PTK2: variants seen among roughly 807,000 people sequenced by gnomAD.
PTK2 encodes focal adhesion kinase 1.
A neutral mutation model predicts 150.1 loss-of-function variants in PTK2; 45 were observed. That is an observed-to-expected ratio of 0.30 (90% CI 0.24 to 0.38). The LOEUF (loss-of-function observed/expected upper bound fraction) is 0.38, where lower values mean the gene tolerates loss of function less well. Ranked by LOEUF, PTK2 falls within the 10% of genes least tolerant of loss-of-function variation. The pLI, the probability that PTK2 is intolerant of heterozygous loss-of-function variation, is 1.00. For synonymous variants in PTK2, 432 were observed against 449.2 expected, an observed-to-expected ratio of 0.96 and a Z score of 0.48; for missense variants, 919 against 1,307.3, an observed-to-expected ratio of 0.70 and a Z score of 4.58.
chr8:140,782,349 A>C (rs1169614032), intron 14 of PTK2, among the ~76,000 whole-genome samples: 4 of 150,756 alleles, frequency 2.7e-5, no homozygotes, highest in Non-Finnish European at 5.9e-5. Context: ...GGGTCAAGAG[A>C]TCCTCCTACC....
chr8:140,923,905 C>A (rs2100168454), intron 2 of PTK2, among the ~76,000 whole-genome samples: 1 of 152,078 alleles, frequency 6.6e-6, no homozygotes. Context: ...CTCTCTGCTC[C>A]AGCTCTCACC....
At chr8:140,972,397 T>G (rs758964312) in intron 1 of PTK2, among the ~76,000 whole-genome samples, 2 of 152,274 alleles carry the variant, frequency 1.3e-5, no homozygotes, top group Middle Eastern at 3.4e-3. Flanking sequence ...CCCGAGTAGC[T>G]GCAACTACAG....
intron 4 of PTK2, among the ~76,000 whole-genome samples, chr8:140,876,664 T>C (rs1239121436): frequency 3.9e-5 from 6 of 152,224 alleles, no homozygotes; most frequent in Non-Finnish European, 7.3e-5. Flanking sequence ...TGAGTTTCTG[T>C]TAGAAATGGG....
chr8:140,795,902 A>G (rs552662695), intron 12 of PTK2, among the ~76,000 whole-genome samples: 1 of 152,192 alleles, frequency 6.6e-6, no homozygotes, highest in South Asian at 2.1e-4. Flanking sequence ...ACATTCCTCA[A>G]TATTTCAAAG....
intron 14 of PTK2, among the ~76,000 whole-genome samples, chr8:140,777,489 C>T (rs1367687029): frequency 1.3e-5 from 2 of 152,242 alleles, no homozygotes. Flanking sequence ...ATCCACCAGG[C>T]CCCACCTCCA....
Position 140,772,707 on chromosome 8 carries a change from T to TAACAAC in PTK2, c.1178-8423_1178-8418dup, listed in dbSNP as rs772227995. 7.3e-3 allele frequency among the ~76,000 whole-genome samples: 1,104 copies of TAACAAC among 151,744 alleles called. 15 individuals are homozygous for TAACAAC. The highest frequency in any genetic ancestry group is 0.011 in the Non-Finnish European group (769 of 67,946). On this transcript the variant is annotated intron_variant, in intron 14 of 31. Coordinates refer to ENST00000522684, the Ensembl canonical transcript of PTK2. ...TTTTCACATGGTTCAAGGAAAAAACTAACAACAACAACAACAACAAAAAAC... is the reference window on the plus strand; with the variant it reads ...TTTTCACATGGTTCAAGGAAAAAACTAACAACAACAACAACAACAACAACAAAAAAC...
At chr8:140,793,264 AT>A in intron 13 of PTK2, 89 bp downstream of exon 13, 6 of 1,428,666 alleles carry the variant, frequency 4.2e-6, no homozygotes, top group South Asian at 1.3e-5. Flanking sequence ...ATTGAATTTA[AT>A]TTTTTTAGGA....
At chr8:140,806,165 A>G (rs749518527) in intron 10 of PTK2, among the ~76,000 whole-genome samples, 10 of 152,242 alleles carry the variant, frequency 6.6e-5, no homozygotes, top group Non-Finnish European at 1.0e-4. Flanking sequence ...ATCTGACTCT[A>G]GAAACAAAGT....
At chr8:140,833,642 G>C (rs952391123) in intron 7 of PTK2, among the ~76,000 whole-genome samples, 1 of 152,088 alleles carries the variant, frequency 6.6e-6, no homozygotes, top group Admixed American at 6.5e-5. Context: ...CCTTCTTTGA[G>C]CCCAAACTCT....
intron 7 of PTK2, among the ~76,000 whole-genome samples, chr8:140,839,605 T>C (rs1249251859): frequency 1.3e-5 from 2 of 151,204 alleles, no homozygotes; most frequent in Non-Finnish European, 1.5e-5. Flanking sequence ...AAAAAAACAA[T>C]GAACAACGTA....
chr8:140,812,653 A>G (rs1460056670), intron 10 of PTK2, among the ~76,000 whole-genome samples: 2 of 152,230 alleles, frequency 1.3e-5, no homozygotes, highest in Non-Finnish European at 2.9e-5. Context: ...ACATGCAATG[A>G]CACACATAGG....
chr8:140,773,846 A>G (rs934700627), intron 14 of PTK2, among the ~76,000 whole-genome samples: 6 of 152,204 alleles, frequency 3.9e-5, no homozygotes, highest in Admixed American at 6.5e-5. Flanking sequence ...GGGTAAGGCC[A>G]CTAGTCAAGA....
At chr8:140,977,542 C>T (rs199573737) in intron 1 of PTK2, among the ~76,000 whole-genome samples, 2 of 151,536 alleles carry the variant, frequency 1.3e-5, no homozygotes, top group Non-Finnish European at 2.9e-5. Context: ...GAACTGCTTG[C>T]ACCCAGGAGG....
At chr8:140,853,185 G>A (rs145163455) in intron 5 of PTK2, among the ~76,000 whole-genome samples, 1 of 136,168 alleles carries the variant, frequency 7.3e-6, no homozygotes, top group Non-Finnish European at 1.7e-5. Context: ...TGCATATGAT[G>A]TCACACTCTT....
At chr8:140,906,981 AGTT>A (rs2100161151) in intron 2 of PTK2, among the ~76,000 whole-genome samples, 1 of 152,214 alleles carries the variant, frequency 6.6e-6, no homozygotes, top group Non-Finnish European at 1.5e-5. Context: ...AGAAACTCAC[AGTT>A]ATTAAGATTG....
intron 4 of PTK2, among the ~76,000 whole-genome samples, chr8:140,872,338 C>T (rs2100143018): frequency 1.3e-5 from 2 of 152,290 alleles, no homozygotes; most frequent in South Asian, 4.1e-4. Context: ...AGCCACCACG[C>T]CTGGCCCGCT....
chr8:140,843,453 C>T (rs1229237959), intron 7 of PTK2, among the ~76,000 whole-genome samples: 2 of 151,762 alleles, frequency 1.3e-5, no homozygotes, highest in Non-Finnish European at 1.5e-5. Flanking sequence ...CTATCTTGGC[C>T]TCACATACAG....
At chr8:140,770,594 C>T (rs1594853321) in intron 14 of PTK2, 122 bp downstream of exon 15, 1 of 306,006 alleles carries the variant, frequency 3.3e-6, no homozygotes, top group East Asian at 1.2e-4. Flanking sequence ...ATGAACAGCA[C>T]ATACACTAAT....
At chr8:140,929,796 G>A (rs1216500488) in intron 1 of PTK2, among the ~76,000 whole-genome samples, 2 of 150,898 alleles carry the variant, frequency 1.3e-5, no homozygotes, top group Non-Finnish European at 2.9e-5. Context: ...TTAGTTTCTC[G>A]TCGGTTAAAT....
Sources: allele counts gnomAD v4.1 joint callset (sites outside exome capture counted in the v4.1 genomes callset), GRCh38; gene constraint gnomAD v4.1.1; transcripts MANE v1.5; gene names NCBI Gene and HGNC (gene_info 2026-07-23, HGNC 2026-07-21).